Variants in CNIH3 observed in about 807,000 individuals in gnomAD.
The protein encoded by CNIH3 is protein cornichon homolog 3.
Under a neutral mutation model 24.1 loss-of-function variants are expected in CNIH3, and 14 were observed. The ratio of observed to expected loss-of-function variants is 0.58; its 90% CI spans 0.38 to 0.91. The LOEUF is 0.91. Ranked by LOEUF, CNIH3 falls within the 40% of genes least tolerant of loss-of-function variation. The probability of loss-of-function intolerance (pLI) is 0.00; values close to 1 mark genes in which losing one functional copy is unlikely to be tolerated. For missense variants in CNIH3, 178 were observed against 196.8 expected, an observed-to-expected ratio of 0.90 and a Z score of 0.57; for synonymous variants, 68 against 73.8, an observed-to-expected ratio of 0.92 and a Z score of 0.40.
At chr1:224,465,398 C>T (rs532265277) in intron 1 of CNIH3, among the ~76,000 whole-genome samples, 55 of 152,334 alleles carry the variant, frequency 3.6e-4, no homozygotes, top group African/African-American at 1.3e-3. Flanking sequence ...TGTGACCCAC[C>T]ATGCCTGGCT....
At chr1:224,706,152 G>A (rs989403490) in intron 3 of CNIH3, among the ~76,000 whole-genome samples, 16 of 152,116 alleles carry the variant, frequency 1.1e-4, no homozygotes, top group African/African-American at 3.9e-4. Context: ...AGCAAAAGAG[G>A]TGTGTTCAGT....
intron 1 of CNIH3, among the ~76,000 whole-genome samples, chr1:224,656,170 G>A (rs1353674794): frequency 6.6e-6 from 1 of 152,186 alleles, no homozygotes; most frequent in Non-Finnish European, 1.5e-5. Flanking sequence ...GCTGAGGAAG[G>A]TCGTTGTGGG....
chr1:224,669,397 C>T (rs1209685554), intron 1 of CNIH3, among the ~76,000 whole-genome samples: 1 of 152,240 alleles, frequency 6.6e-6, no homozygotes, highest in African/African-American at 2.4e-5. Context: ...CCTCCCTCCT[C>T]AGCTCACCTG....
intron 3 of CNIH3, among the ~76,000 whole-genome samples, chr1:224,602,911 A>C (rs1171740050): frequency 6.6e-6 from 1 of 152,212 alleles, no homozygotes; most frequent in Non-Finnish European, 1.5e-5. Context: ...ACAAACCGAA[A>C]AGTATCTGAG....
At chr1:224,527,716 A>G in intron 2 of CNIH3, among the ~76,000 whole-genome samples, 1 of 151,758 alleles carries the variant, frequency 6.6e-6, no homozygotes, top group Non-Finnish European at 1.5e-5. Context: ...TAGAGTTTGT[A>G]AAAAAAAATA....
chr1:224,538,109 G>C (rs951541921), downstream of CNIH3, among the ~76,000 whole-genome samples: 4 of 151,852 alleles, frequency 2.6e-5, no homozygotes, highest in African/African-American at 9.7e-5. Context: ...ACCGTGCCTG[G>C]CTAATTTTTT....
downstream of CNIH3, among the ~76,000 whole-genome samples, chr1:224,592,811 C>G (rs1421454541): frequency 6.6e-6 from 1 of 152,072 alleles, no homozygotes; most frequent in Non-Finnish European, 1.5e-5. Context: ...AGGACGATTC[C>G]CCTGACAGAC....
chr1:224,596,007 A>G (rs571754989), intron 3 of CNIH3, among the ~76,000 whole-genome samples: 1 of 152,354 alleles, frequency 6.6e-6, no homozygotes, highest in South Asian at 2.1e-4. Flanking sequence ...ACAAGTGCTG[A>G]TGGAGAAGCT....
At chr1:224,724,580 G>A (rs1688918662) in intron 3 of CNIH3, among the ~76,000 whole-genome samples, 1 of 152,224 alleles carries the variant, frequency 6.6e-6, no homozygotes, top group African/African-American at 2.4e-5. Flanking sequence ...AGTATGGGCT[G>A]AGGAATCAAA....
chr1:224,739,706 G>T lies in CNIH3; in HGVS notation c.*350G>T. The T allele has an allele frequency of 3.2e-6, 1 of 313,568 alleles. No homozygotes were observed. The highest frequency in any genetic ancestry group is 5.7e-6 in the Non-Finnish European group (1 of 175,646). 19.4% of individuals were successfully genotyped at this position (313,568 alleles called of 1,614,324 possible). A position where few individuals can be genotyped will look rare whatever the true frequency, so the allele number is the denominator to read the frequency against. On this transcript the variant is annotated 3_prime_UTR_variant, in exon 6 of 6. Transcript: ENST00000272133. ...CACTTCATTGAACAGCACCTTGCAA[G>T]TTCAAATGAGTTCCTGGGAGCGGAG... is the stretch of plus-strand genomic sequence containing the variant.
At chr1:224,681,080 G>A in intron 2 of CNIH3, 54 bp downstream of exon 2, 1 of 1,434,170 alleles carries the variant, frequency 7.0e-7, no homozygotes, top group East Asian at 2.3e-5. Flanking sequence ...GCTACCCAGG[G>A]CCTGGGAAGG....
At chr1:224,687,206 C>G (rs1686705791) in intron 3 of CNIH3, among the ~76,000 whole-genome samples, 1 of 152,198 alleles carries the variant, frequency 6.6e-6, no homozygotes, top group Admixed American at 6.5e-5. Flanking sequence ...TTCACTAACT[C>G]AAGGCAGAAA....
At chr1:224,700,877 A>C (rs1462817044) in intron 3 of CNIH3, among the ~76,000 whole-genome samples, 3 of 152,222 alleles carry the variant, frequency 2.0e-5, no homozygotes, top group Non-Finnish European at 4.4e-5. Flanking sequence ...GCACAGAGTC[A>C]GGACAAAATC....
At chr1:224,541,481 A>G (rs1056927550), downstream of CNIH3, among the ~76,000 whole-genome samples, 2 of 152,234 alleles carry the variant, frequency 1.3e-5, no homozygotes, top group Non-Finnish European at 2.9e-5. Context: ...AGATAAGAGG[A>G]AAGAGGGAGA....
chr1:224,650,234 C>T (rs1684799993), intron 1 of CNIH3, among the ~76,000 whole-genome samples: 1 of 152,018 alleles, frequency 6.6e-6, no homozygotes. Context: ...ATAACCTATT[C>T]CAGGCTAAGG....
intron 3 of CNIH3, among the ~76,000 whole-genome samples, chr1:224,609,129 C>T (rs1682566372): frequency 1.3e-5 from 2 of 152,192 alleles, no homozygotes; most frequent in African/African-American, 4.8e-5. Context: ...AGGTCCTCTC[C>T]TGCCCTGCTC....
chr1:224,442,525 T>C (rs1674963939), intron 1 of CNIH3, among the ~76,000 whole-genome samples: 1 of 152,240 alleles, frequency 6.6e-6, no homozygotes, highest in African/African-American at 2.4e-5. Flanking sequence ...TGTTTCCTAG[T>C]GCCCAGTTGT....
chr1:224,695,350 C>G (rs1420595279), intron 3 of CNIH3, among the ~76,000 whole-genome samples: 14 of 123,688 alleles, frequency 1.1e-4, no homozygotes, highest in African/African-American at 3.7e-4. Flanking sequence ...AAATCTCTCT[C>G]TTTCTAAACA....
intron 1 of CNIH3, among the ~76,000 whole-genome samples, chr1:224,464,832 A>G (rs565726679): frequency 4.0e-5 from 6 of 151,858 alleles, no homozygotes; most frequent in Admixed American, 2.6e-4. Context: ...GTCTTGCTCT[A>G]TTGCCCAGGC....
Sources: gnomAD v4.1 joint callset for allele counts (sites outside exome capture counted in the v4.1 genomes callset) on GRCh38, gnomAD v4.1.1 for gene constraint, MANE v1.5 for transcripts, NCBI Gene and HGNC (gene_info 2026-07-23, HGNC 2026-07-21) for gene names.